The following TNR variants were observed in gnomAD, a reference collection of about 807,000 sequenced individuals.
The protein encoded by TNR is tenascin R.
A neutral mutation model predicts 150.4 loss-of-function variants in TNR; 45 were observed. The observed-to-expected ratio is 0.30, with a 90% CI of 0.24 to 0.38. The LOEUF is 0.38. Ranked by LOEUF, TNR falls within the 10% of genes least tolerant of loss-of-function variation. The pLI is 1.00. For missense variants in TNR, 1,544 were observed against 1,759.1 expected (o/e 0.88, Z 2.19); for synonymous variants, 687 against 678.4 (o/e 1.01, Z -0.20).
At chr1:175,326,817 A>T (rs1171802337) in intron 21 of TNR, among the ~76,000 whole-genome samples, 1 of 151,952 alleles carries the variant, frequency 6.6e-6, no homozygotes, top group Non-Finnish European at 1.5e-5. Flanking sequence ...ACAGGCATGC[A>T]CCACCACACC....
chr1:175,619,399 T>C (rs536213667), intron 1 of TNR, among the ~76,000 whole-genome samples: 4 of 152,144 alleles, frequency 2.6e-5, no homozygotes, highest in Non-Finnish European at 5.9e-5. Context: ...AGGAGGTACA[T>C]TATGGAACCA....
At chr1:175,707,131 T>G (rs1211024122) in intron 1 of TNR, among the ~76,000 whole-genome samples, 1 of 152,220 alleles carries the variant, frequency 6.6e-6, no homozygotes, top group East Asian at 1.9e-4. Flanking sequence ...CACTATTTTA[T>G]CTCACATTAA....
chr1:175,598,938 T>C (rs878971394), intron 1 of TNR, among the ~76,000 whole-genome samples: 1 of 152,276 alleles, frequency 6.6e-6, no homozygotes, highest in South Asian at 2.1e-4. Context: ...ATCCAACGTG[T>C]GCAGGAACCC....
chr1:175,422,199 A>G (rs1452675480), intron 2 of TNR, among the ~76,000 whole-genome samples: 2 of 152,194 alleles, frequency 1.3e-5, no homozygotes, highest in Non-Finnish European at 2.9e-5. Flanking sequence ...ATTTGTGACA[A>G]TCATCTCCCT....
At chr1:175,533,061 G>T (rs1557990908) in intron 1 of TNR, among the ~76,000 whole-genome samples, 1 of 152,182 alleles carries the variant, frequency 6.6e-6, no homozygotes, top group Non-Finnish European at 1.5e-5. Flanking sequence ...TGCCACAAAT[G>T]CTTTGCGCTT....
Position 175,323,462 on chromosome 1 carries a change from G to A in TNR, c.3972C>T (p.Tyr1324=), listed in dbSNP as rs761474538. 4 of 1,613,898 alleles carry A rather than the reference G, an allele frequency of 2.5e-6. No individual in the cohort carries two copies. The highest frequency in any genetic ancestry group is 4.5e-5 in the East Asian group (2 of 44,882). Reference sequence around the variant, plus strand: ...TGGAGAACTCATGGCCTTTCCAATGGTACCAGTTGATGCCCTGGGCGTGAG... The same window carrying A: ...TGGAGAACTCATGGCCTTTCCAATGATACCAGTTGATGCCCTGGGCGTGAG... ...ESRHSQGINW[Y]HWKGHEFSIP... is the part of the protein sequence containing the mutation. The change falls in exon 23 of 23, where the codon TAC becomes TAT. Residue 1324 remains tyrosine, a synonymous_variant. Transcript: ENST00000367674.
At chr1:175,722,795 T>C (rs1028418271) in intron 1 of TNR, among the ~76,000 whole-genome samples, 2 of 146,042 alleles carry the variant, frequency 1.4e-5, no homozygotes, top group African/African-American at 5.2e-5. Flanking sequence ...ATATAGTTGC[T>C]TCCCCCCTGC....
chr1:175,623,214 A>G (rs1215416864), intron 1 of TNR, among the ~76,000 whole-genome samples: 4 of 152,224 alleles, frequency 2.6e-5, no homozygotes, highest in Admixed American at 6.5e-5. Flanking sequence ...ATACAAAGAC[A>G]TCATCTGCCA....
intron 1 of TNR, among the ~76,000 whole-genome samples, chr1:175,702,533 G>A (rs1666726888): frequency 6.6e-6 from 1 of 152,246 alleles, no homozygotes; most frequent in African/African-American, 2.4e-5. Flanking sequence ...AATATGAGGG[G>A]TTGGCAATGT....
chr1:175,729,181 A>C (rs1037199463), intron 1 of TNR, among the ~76,000 whole-genome samples: 1 of 151,952 alleles, frequency 6.6e-6, no homozygotes, highest in Non-Finnish European at 1.5e-5. Context: ...TTTTTTAAAC[A>C]ATAATTTAAA....
intron 1 of TNR, among the ~76,000 whole-genome samples, chr1:175,706,579 T>C (rs1666848292): frequency 6.6e-6 from 1 of 152,136 alleles, no homozygotes; most frequent in Non-Finnish European, 1.5e-5. Flanking sequence ...TCAGCATGGA[T>C]GCCAGTTCTT....
chr1:175,652,875 G>A (rs1376343564), intron 1 of TNR, among the ~76,000 whole-genome samples: 1 of 152,216 alleles, frequency 6.6e-6, no homozygotes. Flanking sequence ...AGAAAAAGCT[G>A]TGAGTAGAAA....
At chr1:175,374,598 C>T (rs1652285079) in intron 9 of TNR, among the ~76,000 whole-genome samples, 1 of 152,118 alleles carries the variant, frequency 6.6e-6, no homozygotes, top group African/African-American at 2.4e-5. Flanking sequence ...GGCTGTAAGT[C>T]TCTGTTTTCT....
At chr1:175,538,452 G>A (rs1011624532) in intron 1 of TNR, among the ~76,000 whole-genome samples, 1 of 152,174 alleles carries the variant, frequency 6.6e-6, no homozygotes, top group Non-Finnish European at 1.5e-5. Context: ...TTAATACAAA[G>A]TAGGCCTTGG....
Position 175,737,294 on chromosome 1 carries a change from G to C in TNR, c.-165+5932C>G, listed in dbSNP as rs1667797850. ...CCTCAGTTTTTTCACCTGTAAAACG[G>C]GGACAATAGTATATATCAAAATGTT... is the stretch of plus-strand genomic sequence containing the variant. On this transcript the variant is annotated intron_variant, in intron 1 of 22. Coordinates refer to ENST00000367674, the MANE Select transcript of TNR (RefSeq NM_003285.3). 2.0e-5 allele frequency among the ~76,000 whole-genome samples: 3 copies of C among 152,248 alleles called. No homozygotes were observed. In the South Asian group the frequency reaches 6.2e-4, roughly 32 times the overall value.
At chr1:175,520,194 G>C (rs1659578327) in intron 2 of TNR, among the ~76,000 whole-genome samples, 1 of 152,208 alleles carries the variant, frequency 6.6e-6, no homozygotes. Flanking sequence ...AATGAGGGTT[G>C]AGGTAGACTG....
At chr1:175,636,384 C>T (rs1217360057) in intron 1 of TNR, among the ~76,000 whole-genome samples, 1 of 152,148 alleles carries the variant, frequency 6.6e-6, no homozygotes, top group East Asian at 1.9e-4. Context: ...CCCTGAGAGC[C>T]CCCTGCCCTC....
chr1:175,387,705 C>T (rs375720705), intron 7 of TNR, among the ~76,000 whole-genome samples: 2 of 152,338 alleles, frequency 1.3e-5, no homozygotes, highest in African/African-American at 4.8e-5. Context: ...TTCCTTGTTA[C>T]TGGAGAGCCT....
At position 175,330,372 on chromosome 1, in the gene TNR, C is replaced by T. The variant is rs957853874; in HGVS notation, c.3632-137G>A. On this transcript the variant is annotated intron_variant, in intron 20 of 22. Transcript: ENST00000367674. ...CAGATTGCTTTTGCTCTTGGTGCTT[C>T]ACAGGTTGTTATCAAATGGACCCTG... The T allele has an allele frequency of 8.6e-5, 81 of 937,700 alleles. 1 individual carries two copies. The highest frequency in any genetic ancestry group is 1.1e-4 in the Non-Finnish European group (73 of 664,554). 58.1% of individuals were successfully genotyped at this position (937,700 alleles called of 1,614,324 possible). A position where few individuals can be genotyped will look rare whatever the true frequency, so the allele number is the denominator to read the frequency against.
Sources: allele counts gnomAD v4.1 joint callset (sites outside exome capture counted in the v4.1 genomes callset), GRCh38; gene constraint gnomAD v4.1.1; transcripts MANE v1.5; gene names NCBI Gene and HGNC (gene_info 2026-07-23, HGNC 2026-07-21).